Variants in PAFAH1B2 observed in about 807,000 individuals in gnomAD.
PAFAH1B2 encodes the protein platelet activating factor acetylhydrolase 1b catalytic subunit 2.
Under a neutral mutation model 28.0 loss-of-function variants are expected in PAFAH1B2, and 8 were observed. That is an observed-to-expected ratio of 0.29 (90% CI 0.17 to 0.52). The LOEUF (loss-of-function observed/expected upper bound fraction) is 0.52. Among genes scored for constraint, PAFAH1B2 ranks in the 20% least tolerant of loss-of-function variants. PAFAH1B2 has a pLI of 0.97. For missense variants in PAFAH1B2, 190 were observed against 282.6 expected, an observed-to-expected ratio of 0.67 and a Z score of 2.35; for synonymous variants, 104 against 103.2, an observed-to-expected ratio of 1.01 and a Z score of -0.05.
downstream of PAFAH1B2, chr11:117,174,977 C>A: frequency 2.0e-6 from 3 of 1,478,802 alleles, no homozygotes; most frequent in South Asian, 2.7e-5. Flanking sequence ...TCCTCTCACC[C>A]CAAACTTCAT....
chr11:117,163,899 A>G lies in PAFAH1B2; in HGVS notation c.411+7A>G. ...GGCCAAAATCATTGTATTGGTATGT[A>G]GTCGTTGGTGGGTAGAGAGTTTGTT... is the stretch of plus-strand genomic sequence containing the variant. On this transcript the variant is annotated splice_region_variant and intron_variant, in intron 5 of 5. Transcript: ENST00000527958. 1 of 1,613,432 alleles carries G rather than the reference A, an allele frequency of 6.2e-7. No individual in the cohort carries two copies. The highest frequency in any genetic ancestry group is 8.5e-7 in the Non-Finnish European group (1 of 1,179,584).
intron 2 of PAFAH1B2, among the ~76,000 whole-genome samples, chr11:117,157,364 A>C (rs1956276344): frequency 6.6e-6 from 1 of 151,184 alleles, no homozygotes. Context: ...CTGGTCTTGA[A>C]CTCCTGAGCT....
downstream of PAFAH1B2, chr11:117,171,170 C>T (rs550676301): frequency 8.3e-5 from 51 of 610,824 alleles, no homozygotes; most frequent in South Asian, 1.5e-3. Context: ...TACTGTGGAA[C>T]TGAATGCACC....
chr11:117,167,332 G>C, intron 5 of PAFAH1B2, 89 bp from the exon 6 acceptor site: 1 of 1,295,514 alleles, frequency 7.7e-7, no homozygotes, highest in Non-Finnish European at 1.0e-6. Context: ...GTGCCAAATG[G>C]AGATGTTCCA....
intron 4 of PAFAH1B2, 72 bp downstream of exon 4, chr11:117,161,333 T>C: frequency 1.0e-6 from 1 of 961,356 alleles, no homozygotes; most frequent in Non-Finnish European, 1.5e-6. Context: ...TCTGAAACTG[T>C]AAAAAAAAAT....
In PAFAH1B2 at chr11:117,168,052, G is replaced by A; in HGVS notation, c.*353G>A. On this transcript the variant is annotated 3_prime_UTR_variant, in exon 6 of 6. Transcript: ENST00000527958. Reference sequence around the variant, plus strand: ...AAGATTCTTTTCTTGGCCTTTCTGTGGATTATGTCATATATAATAATTATC... The same window carrying A: ...AAGATTCTTTTCTTGGCCTTTCTGTAGATTATGTCATATATAATAATTATC... The A allele has an allele frequency of 9.4e-7, 1 of 1,063,188 alleles. No homozygotes were observed. Among genetic ancestry groups the A allele is most frequent in the Non-Finnish European group, 1.1e-6 (1 of 877,998 alleles). The allele number at this position is 1,063,188 out of a possible 1,614,324, so 65.9% of individuals were successfully genotyped here. A position where few individuals can be genotyped will look rare whatever the true frequency, so the allele number is the denominator to read the frequency against.
rs1430867944 is a variant in PAFAH1B2 at position 117,169,320 on chromosome 11, G to T, written c.*1621G>T. On this transcript the variant is annotated 3_prime_UTR_variant, in exon 6 of 6. Coordinates refer to ENST00000527958, the MANE Select transcript of PAFAH1B2 (RefSeq NM_002572.4). ...CATTAAAAAAAATGGGATAATAGATGATTTTATCAGTATACCTGTGGAATA... is the reference window on the plus strand; with the variant it reads ...CATTAAAAAAAATGGGATAATAGATTATTTTATCAGTATACCTGTGGAATA... 4 of 1,046,390 alleles carry T rather than the reference G, an allele frequency of 3.8e-6. No homozygotes were observed. The highest frequency in any genetic ancestry group is 1.7e-5 in the African/African-American group (1 of 60,098). 64.8% of individuals were successfully genotyped at this position (1,046,390 alleles called of 1,614,324 possible).
At chr11:117,157,138 T>C (rs765468827) in intron 2 of PAFAH1B2, among the ~76,000 whole-genome samples, 2 of 152,046 alleles carry the variant, frequency 1.3e-5, no homozygotes, top group African/African-American at 4.8e-5. Flanking sequence ...TTCTTTCTCA[T>C]ATCTCCTCAG....
rs1956556564 is a variant in PAFAH1B2, at chr11:117,168,237, T to C, written c.*538T>C. On this transcript the variant is annotated 3_prime_UTR_variant, in exon 6 of 6. Transcript: ENST00000527958. ...ATGCTTGTCATTGATATATGGAAGATGCTATAGTTAGAAGTGAATTTGTTC... is the reference window on the plus strand; with the variant it reads ...ATGCTTGTCATTGATATATGGAAGACGCTATAGTTAGAAGTGAATTTGTTC... 2 of 1,061,384 alleles carry C rather than the reference T, an allele frequency of 1.9e-6. No individual in the cohort carries two copies. 65.7% of individuals were successfully genotyped at this position (1,061,384 alleles called of 1,614,324 possible). A position where few individuals can be genotyped will look rare whatever the true frequency, so the allele number is the denominator to read the frequency against.
intron 3 of PAFAH1B2, among the ~76,000 whole-genome samples, chr11:117,160,873 G>T (rs1956356408): frequency 1.3e-5 from 2 of 152,018 alleles, no homozygotes; most frequent in Admixed American, 1.3e-4. Flanking sequence ...TGGAAAGGAG[G>T]GTTTGTTGAG....
At position 117,167,719 on chromosome 11, in the gene PAFAH1B2, A is replaced by G; in HGVS notation, c.*20A>G. The stretch of plus-strand genomic sequence containing the variant: ...GCCTGACTGGCTCTTATCAGTGTTA[A>G]TAGCATCTCAGCTTCCTCAGATCAG... On this transcript the variant is annotated 3_prime_UTR_variant, in exon 6 of 6. Coordinates refer to ENST00000527958, the MANE Select transcript of PAFAH1B2 (RefSeq NM_002572.4). The G allele has an allele frequency of 6.7e-7, 1 of 1,502,974 alleles. No individual in the cohort carries two copies. Among genetic ancestry groups the G allele is most frequent in the Non-Finnish European group, 8.9e-7 (1 of 1,121,292 alleles). 93.1% of individuals were successfully genotyped at this position (1,502,974 alleles called of 1,614,324 possible).
At chr11:117,155,422 C>T (rs1041970341) in intron 2 of PAFAH1B2, among the ~76,000 whole-genome samples, 3 of 151,944 alleles carry the variant, frequency 2.0e-5, no homozygotes, top group African/African-American at 4.8e-5. Flanking sequence ...ATAAAAATAT[C>T]CTAAAGGAAC....
rs1956339746 is a variant in PAFAH1B2, at chr11:117,160,030, G to A, written c.171+7G>A. On this transcript the variant is annotated splice_region_variant and intron_variant, in intron 3 of 5. Coordinates refer to ENST00000527958, the MANE Select transcript of PAFAH1B2 (RefSeq NM_002572.4). ...GTTAATGCAGCAATATGAGGTAAAG[G>A]TGGAAGGGATGAGCGTGGTTCTTGG... The A allele has an allele frequency of 6.3e-7, 1 of 1,597,880 alleles. No individual in the cohort carries two copies. The highest frequency in any genetic ancestry group is 8.6e-7 in the Non-Finnish European group (1 of 1,165,132).
chr11:117,171,081 T>C, downstream of PAFAH1B2: 7 of 1,020,228 alleles, frequency 6.9e-6, no homozygotes, highest in Non-Finnish European at 8.2e-6. Context: ...TATCATAGTT[T>C]GGATTCTAAT....
chr11:117,170,626 TAAAAA>T lies in PAFAH1B2; in HGVS notation c.*2944_*2948del, dbSNP rs150627380. The T allele has an allele frequency of 1.6e-4, 149 of 948,770 alleles. No homozygotes were observed. The African/African-American group carries it at 2.0e-3, about 13-fold the overall frequency. 58.8% of individuals were successfully genotyped at this position (948,770 alleles called of 1,614,324 possible). ...CCGGCTCTTAGGAATTTTGTCTGTTTAAAAAAAAAAAAAAAAAAAAAGTCCAACTT... is the reference window on the plus strand; with the variant it reads ...CCGGCTCTTAGGAATTTTGTCTGTTTAAAAAAAAAAAAAAAAGTCCAACTT... On this transcript the variant is annotated 3_prime_UTR_variant, in exon 6 of 6. Transcript: ENST00000527958.
chr11:117,154,422 T>TA (rs35412232), intron 2 of PAFAH1B2, among the ~76,000 whole-genome samples: 3 of 152,342 alleles, frequency 2.0e-5, no homozygotes, highest in African/African-American at 7.2e-5. Context: ...ACAAATATTT[T>TA]AAAAATTTTT....
At chr11:117,144,492 T>A (rs900456040) in intron 1 of PAFAH1B2, 74 bp downstream of exon 1, 1 of 190,096 alleles carries the variant, frequency 5.3e-6, no homozygotes, top group Non-Finnish European at 1.2e-5. Context: ...GGTGTTATTG[T>A]GAGAGGCCCG....
At chr11:117,146,969 A>C (rs1353858806) in intron 1 of PAFAH1B2, among the ~76,000 whole-genome samples, 1 of 151,998 alleles carries the variant, frequency 6.6e-6, no homozygotes, top group Non-Finnish European at 1.5e-5. Context: ...CTATCTCAAA[A>C]AAAACAAAAA....
In PAFAH1B2 at chr11:117,168,446, G is replaced by GGTTTTTTTTTTTTTT; in HGVS notation, c.*747_*748insGTTTTTTTTTTTTTT. ...TCCCCTTCATTCCCCCCGCCACCCC[G>GGTTTTTTTTTTTTTT]TTTTTTTTTTTTTTTTTTTTTTTTT... On this transcript the variant is annotated 3_prime_UTR_variant, in exon 6 of 6. Transcript: ENST00000527958. 1 of 234,820 alleles carries GGTTTTTTTTTTTTTT rather than the reference G, an allele frequency of 4.3e-6. No individual in the cohort carries two copies. Among genetic ancestry groups the GGTTTTTTTTTTTTTT allele is most frequent in the East Asian group, 1.8e-4 (1 of 5,682 alleles). 14.5% of individuals were successfully genotyped at this position (234,820 alleles called of 1,614,324 possible).
Sources: allele counts gnomAD v4.1 joint callset (sites outside exome capture counted in the v4.1 genomes callset), GRCh38; gene constraint gnomAD v4.1.1; transcripts MANE v1.5; gene names NCBI Gene and HGNC (gene_info 2026-07-23, HGNC 2026-07-21).